RTN4: variants seen among roughly 807,000 people sequenced by gnomAD.
RTN4 encodes reticulon-4.
RTN4 carries 32 observed loss-of-function variants against 90.4 expected under a neutral mutation model. That is an observed-to-expected ratio of 0.35 (90% CI 0.27 to 0.48). RTN4 has a LOEUF of 0.48. Ranked by LOEUF, RTN4 falls within the 20% of genes least tolerant of loss-of-function variation. The pLI is 0.99. For missense variants in RTN4, 1,706 were observed against 1,430.2 expected (o/e 1.19, Z -3.11); for synonymous variants, 629 against 552.5 (o/e 1.14, Z -1.94).
chr2:55,086,584 C>A (rs1668843146), intron 1 of RTN4, among the ~76,000 whole-genome samples: 1 of 151,994 alleles, frequency 6.6e-6, no homozygotes, highest in Admixed American at 6.6e-5. Context: ...GTGGGAGGAT[C>A]ACTCAAGCCC....
At chr2:55,131,936 T>C in the RTN4 span, among the ~76,000 whole-genome samples, 1 of 152,182 alleles carries the variant, frequency 6.6e-6, no homozygotes, top group Non-Finnish European at 1.5e-5. Context: ...TTTTATTACA[T>C]GATATTTTAA....
intron 1 of RTN4, among the ~76,000 whole-genome samples, chr2:55,082,950 C>CAAAAAAAAAAAAAAAAAAAAAAAAAAAA: frequency 6.8e-6 from 1 of 147,608 alleles, no homozygotes; most frequent in Non-Finnish European, 1.5e-5. Flanking sequence ...GACTCCGTCT[C>CAAAAAAAAAAAAAAAAAAAAAAAAAAAA]AAAAAAAAAA....
intron 1 of RTN4, among the ~76,000 whole-genome samples, chr2:55,111,911 C>A (rs1668044779): frequency 1.3e-5 from 2 of 152,150 alleles, no homozygotes; most frequent in South Asian, 2.1e-4. Context: ...TATGACTCAG[C>A]GTGTTGAAAT....
At chr2:55,066,960 A>G (rs1384158582) in intron 2 of RTN4, among the ~76,000 whole-genome samples, 2 of 152,182 alleles carry the variant, frequency 1.3e-5, no homozygotes, top group Non-Finnish European at 2.9e-5. Flanking sequence ...ACATAACCCA[A>G]ACCCAATAAG....
intron 4 of RTN4, among the ~76,000 whole-genome samples, chr2:54,983,171 G>A (rs1426300776): frequency 6.6e-6 from 1 of 151,458 alleles, no homozygotes; most frequent in Non-Finnish European, 1.5e-5. Flanking sequence ...AACCTTTAGG[G>A]GAAATTGTTC....
chr2:55,050,354 T>C lies in RTN4; in HGVS notation c.-54A>G, dbSNP rs1378293711. 2 of 1,227,484 alleles carry C rather than the reference T, an allele frequency of 1.6e-6. No individual in the cohort carries two copies. The highest frequency in any genetic ancestry group is 2.1e-6 in the Non-Finnish European group (2 of 937,328). 76.0% of individuals were successfully genotyped at this position (1,227,484 alleles called of 1,614,324 possible). On this transcript the variant is annotated 5_prime_UTR_variant, in exon 1 of 9. Coordinates refer to ENST00000337526, the MANE Select transcript of RTN4 (RefSeq NM_020532.5). This position sits in a 1 kb window ranked among gnomAD's most constrained non-coding sequence, Gnocchi z 4.6. The stretch of plus-strand genomic sequence containing the variant: ...TGCTGCCGCCGCCGCCGGGGCCGCG[T>C]CTCAGAGCCGCGGGCGGTTGTGGGG...
chr2:55,086,308 C>G (rs938447539), intron 1 of RTN4, among the ~76,000 whole-genome samples: 2 of 151,902 alleles, frequency 1.3e-5, no homozygotes, highest in African/African-American at 2.4e-5. Context: ...AAGTTTACAC[C>G]TCAATAAATT....
intron 5 of RTN4, among the ~76,000 whole-genome samples, chr2:54,975,897 C>A (rs1454220123): frequency 6.6e-6 from 1 of 152,180 alleles, no homozygotes; most frequent in African/African-American, 2.4e-5. Flanking sequence ...TTCTTAATAT[C>A]TGTCAATTGA....
At chr2:55,031,535 C>CTATG (rs1682315268) in intron 1 of RTN4, among the ~76,000 whole-genome samples, 1 of 152,210 alleles carries the variant, frequency 6.6e-6, no homozygotes, top group Admixed American at 6.5e-5. Context: ...GCCAAGAAAC[C>CTATG]TATGGTAGAG....
In RTN4 at chr2:55,027,141, T is replaced by C. The variant is rs1681956605; in HGVS notation, c.958A>G (p.Arg320Gly). Residue 320 changes from arginine to glycine, a missense_variant, in exon 3 of 9, where the codon AGG (arginine) becomes GGG (glycine). Physicochemically the swap from Arg to Gly is moderately radical, Grantham distance 125. Coordinates refer to ENST00000337526, the MANE Select transcript of RTN4 (RefSeq NM_020532.5). Reference sequence around the variant, plus strand: ...TTATTTTTCACGATTATTTCTTCCCTAGGATTTGCTACTATTACGGCAGAT... The same window carrying C: ...TTATTTTTCACGATTATTTCTTCCCCAGGATTTGCTACTATTACGGCAGAT... ...AESAVIVANP[R>G]EEIIVKNKDE... 3 of 1,613,478 alleles carry C rather than the reference T, an allele frequency of 1.9e-6. No individual in the cohort carries two copies. Among genetic ancestry groups the C allele is most frequent in the Non-Finnish European group, 2.5e-6 (3 of 1,179,724 alleles).
the RTN4 span, among the ~76,000 whole-genome samples, chr2:55,132,912 A>G: frequency 2.0e-5 from 3 of 146,908 alleles, no homozygotes; most frequent in Admixed American, 2.1e-4. Context: ...TTTAATTATT[A>G]TTATTTTTAA....
At chr2:55,010,089 T>C in intron 3 of RTN4, 1 of 1,613,596 alleles carries the variant, frequency 6.2e-7, no homozygotes, top group Non-Finnish European at 8.5e-7. Flanking sequence ...AGATATACCC[T>C]TGTCCTTCCA....
chr2:55,089,881 C>T lies in RTN4; in HGVS notation c.-213-9242G>A, dbSNP rs192161302. ...CCCCTGGGACACCTGGGGCATGGAACATTTTCCCCATTACTGAGATCACTG... is the reference window on the plus strand; with the variant it reads ...CCCCTGGGACACCTGGGGCATGGAATATTTTCCCCATTACTGAGATCACTG... On this transcript the variant is annotated intron_variant, in intron 1 of 3. Transcript: ENST00000427710. Among the ~76,000 whole-genome samples, 3 of 152,286 alleles carry T rather than the reference C, an allele frequency of 2.0e-5. No individual in the cohort carries two copies. In the East Asian group the frequency reaches 5.8e-4, roughly 29 times the overall value.
rs188832858 is a variant in RTN4 at position 55,090,328 on chromosome 2, A to G, written c.-213-9689T>C. Among the ~76,000 whole-genome samples, 4 of 152,336 alleles carry G rather than the reference A, an allele frequency of 2.6e-5. No individual in the cohort carries two copies. The East Asian group carries it at 7.7e-4, about 29-fold the overall frequency. ...CACTTAATATAATTTGGGTTACAGT[A>G]TTACCTTCACACTATTTCCAAACAC... On this transcript the variant is annotated intron_variant, in intron 1 of 3. Transcript: ENST00000427710.
intron 4 of RTN4, among the ~76,000 whole-genome samples, chr2:54,986,554 A>G (rs1678578224): frequency 6.6e-6 from 1 of 152,148 alleles, no homozygotes; most frequent in Admixed American, 6.6e-5. Context: ...AAAAGAACAA[A>G]ATTTTGTGAT....
chr2:55,065,906 T>C (rs780056003), intron 2 of RTN4, among the ~76,000 whole-genome samples: 17 of 152,174 alleles, frequency 1.1e-4, no homozygotes, highest in Non-Finnish European at 4.4e-5. Flanking sequence ...GGTTACACAG[T>C]TATACACACT....
intron 4 of RTN4, 77 bp downstream of exon 4, chr2:54,987,414 T>C (rs957200892): frequency 8.5e-6 from 9 of 1,061,254 alleles, no homozygotes; most frequent in African/African-American, 6.2e-5. Context: ...TGTAACTCTA[T>C]AGACAGTAGA....
In RTN4 at chr2:54,991,628, C is replaced by T. The variant is rs188500763; in HGVS notation, c.3014-3930G>A. Among the ~76,000 whole-genome samples the T allele has an allele frequency of 3.3e-4, 50 of 152,308 alleles. 1 individual carries two copies. The highest frequency in any genetic ancestry group is 1.1e-3 in the African/African-American group (44 of 41,576). The stretch of plus-strand genomic sequence containing the variant: ...CACACATTAGTACTGCATTCAAATT[C>T]CCTGTCAGTGGATCCAAACCGATGA... On this transcript the variant is annotated intron_variant, in intron 3 of 8. Coordinates refer to ENST00000337526, the MANE Select transcript of RTN4 (RefSeq NM_020532.5).
chr2:55,069,490 C>A (rs977212389), intron 2 of RTN4, among the ~76,000 whole-genome samples: 1 of 152,192 alleles, frequency 6.6e-6, no homozygotes, highest in African/African-American at 2.4e-5. Flanking sequence ...CTACTATCCA[C>A]AGGGTTTATT....
Sources: allele counts gnomAD v4.1 joint callset (sites outside exome capture counted in the v4.1 genomes callset), GRCh38; gene constraint gnomAD v4.1.1; non-coding constraint Gnocchi (gnomAD v3.1); transcripts MANE v1.5; gene names NCBI Gene and HGNC (gene_info 2026-07-23, HGNC 2026-07-21).